The following FNDC3A variants were observed in gnomAD, a reference collection of about 807,000 sequenced individuals.
FNDC3A encodes fibronectin type-III domain-containing protein 3A.
Under a neutral mutation model 148.9 loss-of-function variants are expected in FNDC3A, and 32 were observed. The ratio of observed to expected loss-of-function variants is 0.21; its 90% CI spans 0.16 to 0.29. The LOEUF is 0.29. FNDC3A is among the 10% of genes least tolerant of loss of function. FNDC3A has a pLI of 1.00. For missense variants in FNDC3A, 1,191 were observed against 1,452.8 expected (o/e 0.82, Z 2.93); for synonymous variants, 472 against 473.6 (o/e 1.00, Z 0.04).
At position 49,207,204 on chromosome 13, in the gene FNDC3A, C is replaced by T; in HGVS notation, c.3406C>T (p.Pro1136Ser). 6.2e-7 allele frequency: 1 copy of T among 1,614,086 alleles called. No individual in the cohort carries two copies. Among genetic ancestry groups the T allele is most frequent in the Non-Finnish European group, 8.5e-7 (1 of 1,179,938 alleles). The change falls in exon 26 of 26, where the codon CCC becomes TCC. Residue 1136 changes from proline to serine, a missense_variant. Pro to Ser is a moderately conservative substitution (Grantham distance 74). Coordinates refer to ENST00000492622, the MANE Select transcript of FNDC3A (RefSeq NM_001079673.2). ...TCTGGGACACCAGGACCTCGTAGGT[C>T]CCTACAGCACCACAGTGCTCTTCAT... is the stretch of plus-strand genomic sequence containing the variant. Reference protein sequence around the residue: ...DSLGHQDLVGPYSTTVLFISQ... With the variant: ...DSLGHQDLVGSYSTTVLFISQ...
intron 2 of FNDC3A, among the ~76,000 whole-genome samples, chr13:49,031,859 G>GA (rs760172573): frequency 2.6e-5 from 4 of 152,108 alleles, no homozygotes; most frequent in Admixed American, 2.0e-4. Flanking sequence ...AAAATTGGAG[G>GA]AAAAAATCCA....
At chr13:49,123,606 C>T (rs1047060804) in intron 4 of FNDC3A, among the ~76,000 whole-genome samples, 6 of 150,626 alleles carry the variant, frequency 4.0e-5, no homozygotes, top group Admixed American at 2.0e-4. Context: ...ATCCATCTGA[C>T]AAAGGGCTAA....
chr13:49,167,219 T>C, intron 8 of FNDC3A, 25 bp from the exon 9 acceptor site: 1 of 1,479,074 alleles, frequency 6.8e-7, no homozygotes, highest in Non-Finnish European at 9.4e-7. Context: ...TTATCAGACA[T>C]GATATATTAC....
At chr13:49,101,816 T>TA (rs1879876473) in intron 3 of FNDC3A, among the ~76,000 whole-genome samples, 1 of 150,196 alleles carries the variant, frequency 6.7e-6, no homozygotes, top group African/African-American at 2.4e-5. Flanking sequence ...TTTTTTTTTT[T>TA]AAGCCAAATC....
intron 17 of FNDC3A, among the ~76,000 whole-genome samples, chr13:49,190,750 G>A (rs1036838203): frequency 6.6e-6 from 1 of 152,066 alleles, no homozygotes; most frequent in Non-Finnish European, 1.5e-5. Flanking sequence ...GGAAAGGAAG[G>A]GTTCATTGAA....
intron 2 of FNDC3A, among the ~76,000 whole-genome samples, chr13:49,065,019 A>T (rs1313136766): frequency 6.6e-6 from 1 of 152,220 alleles, no homozygotes; most frequent in Non-Finnish European, 1.5e-5. Context: ...TGATTCAGTT[A>T]TCTATTGTTG....
At chr13:49,002,711 CTT>C (rs1262081334) in intron 1 of FNDC3A, among the ~76,000 whole-genome samples, 1 of 152,094 alleles carries the variant, frequency 6.6e-6, no homozygotes, top group Non-Finnish European at 1.5e-5. Context: ...AGCCTGTATT[CTT>C]TTGTGTGTTT....
intron 3 of FNDC3A, among the ~76,000 whole-genome samples, chr13:49,078,968 A>G (rs545927620): frequency 6.6e-6 from 1 of 152,356 alleles, no homozygotes; most frequent in African/African-American, 2.4e-5. Context: ...ATGAATTGAG[A>G]TAAGAGCTGT....
intron 2 of FNDC3A, among the ~76,000 whole-genome samples, chr13:49,070,636 A>G (rs1334995725): frequency 1.3e-5 from 2 of 152,170 alleles, no homozygotes; most frequent in Non-Finnish European, 2.9e-5. Flanking sequence ...GTTCTTTACT[A>G]TCAAATACTA....
In FNDC3A at chr13:49,015,080, G is replaced by A. The variant is rs971342532; in HGVS notation, c.99+8791G>A. Among the ~76,000 whole-genome samples the A allele has an allele frequency of 1.8e-4, 28 of 152,128 alleles. No homozygotes were observed. In the Middle Eastern group the frequency reaches 0.014, roughly 74 times the overall value. On this transcript the variant is annotated intron_variant, in intron 2 of 25. Transcript: ENST00000492622. ...TGGCTTAGGATTGACTTGGCGATGC[G>A]GTCTCTTTTTAGGTTCCATATGAAC... is the stretch of plus-strand genomic sequence containing the variant.
chr13:49,189,599 T>C (rs1015931955), intron 17 of FNDC3A, among the ~76,000 whole-genome samples: 1 of 152,140 alleles, frequency 6.6e-6, no homozygotes, highest in Non-Finnish European at 1.5e-5. Context: ...TTTTTAAAAA[T>C]GAAATATAGG....
chr13:49,039,142 TA>T (rs1184454651), intron 2 of FNDC3A, among the ~76,000 whole-genome samples: 1 of 152,182 alleles, frequency 6.6e-6, no homozygotes, highest in Admixed American at 6.5e-5. Context: ...AGATATTAAG[TA>T]AAATTGAAGT....
intron 14 of FNDC3A, among the ~76,000 whole-genome samples, chr13:49,184,474 A>C (rs1885461487): frequency 6.6e-6 from 1 of 152,182 alleles, no homozygotes; most frequent in African/African-American, 2.4e-5. Context: ...AAAGTTAACC[A>C]GATATAGTAA....
chr13:49,027,994 C>T (rs1251062946), intron 2 of FNDC3A, among the ~76,000 whole-genome samples: 1 of 152,062 alleles, frequency 6.6e-6, no homozygotes, highest in East Asian at 1.9e-4. Context: ...TGGTGAATCA[C>T]CTGAGGTCAG....
At chr13:48,987,812 T>C (rs1233611845) in intron 1 of FNDC3A, 1 of 152,268 alleles carries the variant, frequency 6.6e-6, no homozygotes, top group Admixed American at 6.5e-5. Context: ...TTTGACCTAT[T>C]GCATTATGAA....
At chr13:49,115,760 T>C (rs962614581) in intron 4 of FNDC3A, among the ~76,000 whole-genome samples, 1 of 152,208 alleles carries the variant, frequency 6.6e-6, no homozygotes, top group African/African-American at 2.4e-5. Context: ...ATCTCTACTT[T>C]TGTTTAGCAC....
chr13:49,012,395 A>G (rs1047062209), intron 2 of FNDC3A, among the ~76,000 whole-genome samples: 7 of 152,060 alleles, frequency 4.6e-5, no homozygotes, highest in Admixed American at 6.6e-5. Context: ...TGGATTTTTA[A>G]TTCTCTTTCA....
chr13:49,007,745 T>G (rs1238452430), intron 2 of FNDC3A, among the ~76,000 whole-genome samples: 1 of 152,028 alleles, frequency 6.6e-6, no homozygotes, highest in Non-Finnish European at 1.5e-5. Context: ...AGAGAAAGGA[T>G]CTGGGAATAG....
intron 3 of FNDC3A, among the ~76,000 whole-genome samples, chr13:49,086,960 G>A (rs1878853897): frequency 2.0e-5 from 3 of 152,002 alleles, no homozygotes; most frequent in South Asian, 2.1e-4. Flanking sequence ...GATTCATTCC[G>A]AGTACATTGT....
Sources: gnomAD v4.1 joint callset for allele counts (sites outside exome capture counted in the v4.1 genomes callset) on GRCh38, gnomAD v4.1.1 for gene constraint, MANE v1.5 for transcripts, NCBI Gene and HGNC (gene_info 2026-07-23, HGNC 2026-07-21) for gene names.